Variants in DHX57 observed in about 807,000 individuals in gnomAD.
DHX57 encodes DExH-box helicase 57.
Under a neutral mutation model 156.2 loss-of-function variants are expected in DHX57, and 105 were observed. The observed-to-expected ratio is 0.67, with a 90% CI of 0.57 to 0.79. The LOEUF is 0.79. Ranked by LOEUF, DHX57 falls within the 30% of genes least tolerant of loss-of-function variation. The pLI, the probability that DHX57 is intolerant of heterozygous loss-of-function variation, is 0.00. For synonymous variants in DHX57, 704 were observed against 595.6 expected, an observed-to-expected ratio of 1.18 and a Z score of -2.65; for missense variants, 1,847 against 1,661.9, an observed-to-expected ratio of 1.11 and a Z score of -1.94.
intron 15 of DHX57, 117 bp downstream of exon 15, chr2:38,826,399 C>T: frequency 8.0e-7 from 1 of 1,252,524 alleles, no homozygotes; most frequent in South Asian, 1.5e-5. Flanking sequence ...ACAGTTTTCA[C>T]AAAGTATTTT....
At chr2:38,816,096 C>G in intron 19 of DHX57, 1 of 469,694 alleles carries the variant, frequency 2.1e-6, no homozygotes, top group Non-Finnish European at 4.4e-6. Context: ...GTTCCTTACT[C>G]AGGCCTAGAG....
chr2:38,807,578 C>A (rs548361147), intron 21 of DHX57, among the ~76,000 whole-genome samples: 1 of 152,026 alleles, frequency 6.6e-6, no homozygotes, highest in Middle Eastern at 3.4e-3. Context: ...AGGATGGTCT[C>A]GATCTCCTGA....
chr2:38,858,974 C>T (rs1236991955), intron 5 of DHX57, 138 bp from the exon 6 acceptor site: 6 of 813,106 alleles, frequency 7.4e-6, no homozygotes, highest in African/African-American at 7.2e-5. Flanking sequence ...TAAGTTCATT[C>T]ATTTCTAGTA....
chr2:38,861,990 C>G (rs1673251740), intron 4 of DHX57, among the ~76,000 whole-genome samples, 153 bp from the exon 5 acceptor site: 1 of 152,216 alleles, frequency 6.6e-6, no homozygotes, highest in Non-Finnish European at 1.5e-5. Context: ...ATAAGCCCCC[C>G]TGAATGACCC....
chr2:38,822,527 G>C (rs1670877054), intron 17 of DHX57, among the ~76,000 whole-genome samples: 1 of 151,894 alleles, frequency 6.6e-6, no homozygotes, highest in Non-Finnish European at 1.5e-5. Flanking sequence ...CCAAGTAGTT[G>C]GGACTACATG....
intron 9 of DHX57, 113 bp downstream of exon 9, chr2:38,853,941 G>A (rs1233318923): frequency 9.2e-7 from 1 of 1,089,312 alleles, no homozygotes; most frequent in African/African-American, 1.6e-5. Context: ...CCTTCCTTGT[G>A]GCAAATTACC....
chr2:38,811,218 G>C (rs1670228000), intron 21 of DHX57: 1 of 494,712 alleles, frequency 2.0e-6, no homozygotes, highest in East Asian at 4.6e-5. Flanking sequence ...CCCTTGGACT[G>C]GTTGTAGAAC....
Position 38,854,146 on chromosome 2 carries a change from C to T in DHX57, c.1938G>A (p.Thr646=), listed in dbSNP as rs376354614. The T allele has an allele frequency of 1.8e-4, 285 of 1,613,576 alleles. No homozygotes were observed. Among genetic ancestry groups the T allele is most frequent in the Non-Finnish European group, 2.4e-4 (278 of 1,179,700 alleles). ...SSATRLLYCT[T]GVLLRRLEGD... ...CTTCTAGCCTTCTCAGCAGCACTCC[C>T]GTGGTGCAGTATAACAGTCTGGTGG... is the stretch of plus-strand genomic sequence containing the variant. Residue 646 remains threonine, a synonymous_variant, in exon 9 of 24, where the codon ACG becomes ACA. Coordinates refer to ENST00000457308, the MANE Select transcript of DHX57 (RefSeq NM_198963.3).
At chr2:38,820,338 T>C (rs1018358268) in intron 17 of DHX57, among the ~76,000 whole-genome samples, 12 of 151,954 alleles carry the variant, frequency 7.9e-5, no homozygotes, top group Non-Finnish European at 1.2e-4. Flanking sequence ...TTTTTTTTTT[T>C]CTTCAGATCA....
chr2:38,834,049 G>T (rs1189639616), intron 13 of DHX57, among the ~76,000 whole-genome samples: 1 of 152,124 alleles, frequency 6.6e-6, no homozygotes, highest in Non-Finnish European at 1.5e-5. Flanking sequence ...ATTAAATCAG[G>T]CCGGGCATGG....
chr2:38,803,873 C>G (rs1307224860), intron 22 of DHX57, among the ~76,000 whole-genome samples: 10 of 151,664 alleles, frequency 6.6e-5, no homozygotes, highest in Non-Finnish European at 1.5e-4. Flanking sequence ...CCTCTACCTC[C>G]TAGGTTCAAG....
chr2:38,842,463 TG>T lies in DHX57; in HGVS notation c.2425+541del, dbSNP rs1438266074. On this transcript the variant is annotated intron_variant, in intron 12 of 23. Coordinates refer to ENST00000457308, the MANE Select transcript of DHX57 (RefSeq NM_198963.3). ...TGTTAAATGTCCTCATTTTGATCAC[TG>T]TACTGTGGTTACGTAAGAGAATGTC... Among the ~76,000 whole-genome samples the T allele has an allele frequency of 3.9e-5, 6 of 152,308 alleles. No homozygotes were observed. In the East Asian group the frequency reaches 1.2e-3, roughly 29 times the overall value.
At chr2:38,842,965 C>A in intron 12 of DHX57, 40 bp downstream of exon 12, 1 of 1,589,458 alleles carries the variant, frequency 6.3e-7, no homozygotes, top group Non-Finnish European at 8.6e-7. Flanking sequence ...TACTAGAAAT[C>A]TTTGGCATAA....
At position 38,863,538 on chromosome 2, in the gene DHX57, C is replaced by G. The variant is rs188807363; in HGVS notation, c.225-19G>C. ...GCTAGGTCTATAGAGAACAAAAGAG[C>G]AAAATTACACACATATCTTCAATCA... On this transcript the variant is annotated intron_variant, in intron 2 of 23. Coordinates refer to ENST00000457308, the MANE Select transcript of DHX57 (RefSeq NM_198963.3). 1 of 1,603,810 alleles carries G rather than the reference C, an allele frequency of 6.2e-7. No homozygotes were observed. Among genetic ancestry groups the G allele is most frequent in the South Asian group, 1.1e-5 (1 of 89,066 alleles).
chr2:38,862,051 T>C lies in DHX57; in HGVS notation c.572+94A>G, dbSNP rs1673256228. On this transcript the variant is annotated intron_variant, in intron 4 of 23. Coordinates refer to ENST00000457308, the MANE Select transcript of DHX57 (RefSeq NM_198963.3). ...CTATCAGGCATTGCTGGAACCCACA[T>C]AATAGGAAAGTACACAAAGAGGGGT... The C allele has an allele frequency of 2.9e-6, 4 of 1,402,064 alleles. No homozygotes were observed. In the Middle Eastern group the frequency reaches 7.0e-4, roughly 247 times the overall value. The allele number at this position is 1,402,064 out of a possible 1,614,324, so 86.9% of individuals were successfully genotyped here. A position where few individuals can be genotyped will look rare whatever the true frequency, so the allele number is the denominator to read the frequency against.
At position 38,833,615 on chromosome 2, in the gene DHX57, G is replaced by A. The variant is rs185941326; in HGVS notation, c.2542+4216C>T. On this transcript the variant is annotated intron_variant, in intron 13 of 23. Coordinates refer to ENST00000457308, the MANE Select transcript of DHX57 (RefSeq NM_198963.3). Reference sequence around the variant, plus strand: ...GCAAGTGAGGTTAAGAAGGCTACCGGGATGGGAAGACAGTGAGTAAAGTAG... The same window carrying A: ...GCAAGTGAGGTTAAGAAGGCTACCGAGATGGGAAGACAGTGAGTAAAGTAG... Among the ~76,000 whole-genome samples, 40 of 152,302 alleles carry A rather than the reference G, an allele frequency of 2.6e-4. 1 individual carries two copies. Among genetic ancestry groups the A allele is most frequent in the Admixed American group, 2.6e-3 (39 of 15,284 alleles).
intron 9 of DHX57, among the ~76,000 whole-genome samples, chr2:38,852,194 T>C (rs967430900): frequency 6.7e-6 from 1 of 149,270 alleles, no homozygotes; most frequent in Non-Finnish European, 1.5e-5. Flanking sequence ...TTCAATTCCT[T>C]TTTTTTTTTT....
chr2:38,829,283 A>AT (rs36057730), intron 13 of DHX57, among the ~76,000 whole-genome samples: 75,649 of 134,796 alleles, frequency 0.56, 22,190 homozygotes, highest in East Asian at 0.81. Flanking sequence ...TACACTGGCT[A>AT]TTTTTTTTTT....
chr2:38,865,180 G>A (rs1441925318), intron 2 of DHX57, among the ~76,000 whole-genome samples: 9 of 151,656 alleles, frequency 5.9e-5, no homozygotes, highest in South Asian at 2.1e-4. Flanking sequence ...TTCTTTATAC[G>A]GTTGATAATG....
Sources: allele counts gnomAD v4.1 joint callset (sites outside exome capture counted in the v4.1 genomes callset), GRCh38; gene constraint gnomAD v4.1.1; transcripts MANE v1.5; gene names NCBI Gene and HGNC (gene_info 2026-07-23, HGNC 2026-07-21).